The following SPAG16 variants were observed in gnomAD, a reference collection of about 807,000 sequenced individuals.
The protein encoded by SPAG16 is sperm-associated antigen 16 protein.
Under a neutral mutation model 80.4 loss-of-function variants are expected in SPAG16, and 86 were observed. The ratio of observed to expected loss-of-function variants is 1.07; its 90% CI spans 0.90 to 1.28. The LOEUF (loss-of-function observed/expected upper bound fraction) is 1.28, where lower values mean the gene tolerates loss of function less well. SPAG16 is among the 50% of genes most tolerant of loss of function. SPAG16 has a pLI of 0.00. For missense variants in SPAG16, 870 were observed against 765.3 expected (o/e 1.14, Z -1.61); for synonymous variants, 294 against 265.9 (o/e 1.11, Z -1.03).
At chr2:214,069,128 C>A (rs1345523297) in intron 13 of SPAG16, among the ~76,000 whole-genome samples, 1 of 152,122 alleles carries the variant, frequency 6.6e-6, no homozygotes, top group African/African-American at 2.4e-5. Context: ...TTATTTCCTA[C>A]ATAAGATAAA....
chr2:213,535,841 T>G (rs765894251), intron 10 of SPAG16, among the ~76,000 whole-genome samples: 20 of 152,156 alleles, frequency 1.3e-4, no homozygotes, highest in Non-Finnish European at 2.1e-4. Flanking sequence ...GACAGTAATC[T>G]ACTTGTATGT....
chr2:214,195,332 G>GATAGATAGATAGATAGATAGATAGATAT (rs1265821816), intron 15 of SPAG16, among the ~76,000 whole-genome samples: 2 of 151,882 alleles, frequency 1.3e-5, no homozygotes, highest in Non-Finnish European at 2.9e-5. Flanking sequence ...TAGATAGATA[G>GATAGATAGATAGATAGATAGATAGATAT]ATATTTGAGA....
rs1305910798 is a variant in SPAG16, at chr2:214,162,248, T to C, written c.1720+12982T>C. 2.0e-5 allele frequency among the ~76,000 whole-genome samples: 3 copies of C among 152,164 alleles called. 1 individual carries two copies. Among genetic ancestry groups the C allele is most frequent in the Admixed American group, 1.3e-4 (2 of 15,254 alleles). ...TTTGGTGGGACATGTCCTCATAGAATGAGCAGGTCAAATGAAAAACCAAAC... is the reference window on the plus strand; with the variant it reads ...TTTGGTGGGACATGTCCTCATAGAACGAGCAGGTCAAATGAAAAACCAAAC... On this transcript the variant is annotated intron_variant, in intron 15 of 15. Transcript: ENST00000331683.
chr2:213,384,881 A>G (rs899434413), intron 9 of SPAG16, among the ~76,000 whole-genome samples: 4 of 152,090 alleles, frequency 2.6e-5, no homozygotes, highest in African/African-American at 7.2e-5. Flanking sequence ...CTAGCGTTCT[A>G]TGGTTCAGGA....
At chr2:214,293,825 G>T (rs935790920) in intron 15 of SPAG16, among the ~76,000 whole-genome samples, 22 of 152,110 alleles carry the variant, frequency 1.4e-4, no homozygotes, top group African/African-American at 5.1e-4. Context: ...GGCCTTTGAA[G>T]ACTAAGCTTT....
intron 10 of SPAG16, among the ~76,000 whole-genome samples, chr2:213,553,629 C>T (rs1443546433): frequency 6.6e-6 from 1 of 152,174 alleles, no homozygotes; most frequent in Admixed American, 6.5e-5. Context: ...AGTATATGCA[C>T]TGACCCTGGA....
intron 12 of SPAG16, among the ~76,000 whole-genome samples, chr2:213,979,231 C>T (rs2045570521): frequency 6.6e-6 from 1 of 151,574 alleles, no homozygotes; most frequent in Non-Finnish European, 1.5e-5. Context: ...TCCAATTAGT[C>T]ATGTCTCTCT....
chr2:213,625,145 T>C lies in SPAG16; in HGVS notation c.1070+135055T>C, dbSNP rs1024352727. On this transcript the variant is annotated intron_variant, in intron 10 of 15. Coordinates refer to ENST00000331683, the MANE Select transcript of SPAG16 (RefSeq NM_024532.5). The stretch of plus-strand genomic sequence containing the variant: ...TAATACTATAAAAGTACTTACTTCA[T>C]GTATTAGTCCGTTCTCACAAAGCTA... Among the ~76,000 whole-genome samples the C allele has an allele frequency of 2.0e-5, 3 of 152,278 alleles. No individual in the cohort carries two copies. The East Asian group carries it at 5.8e-4, about 29-fold the overall frequency.
chr2:214,041,978 GTATATATATATATA>G (rs1158447338), intron 13 of SPAG16, among the ~76,000 whole-genome samples: 9 of 116,360 alleles, frequency 7.7e-5, no homozygotes, highest in African/African-American at 2.6e-4. Flanking sequence ...GTCTGTGTGT[GTATATATATATATA>G]TATATATATA....
At chr2:213,514,391 T>G (rs1404833455) in intron 10 of SPAG16, among the ~76,000 whole-genome samples, 1 of 152,144 alleles carries the variant, frequency 6.6e-6, no homozygotes, top group Non-Finnish European at 1.5e-5. Flanking sequence ...AATATTATCA[T>G]AATTAGAGTT....
At chr2:214,166,508 G>C (rs1405794386) in intron 15 of SPAG16, among the ~76,000 whole-genome samples, 1 of 152,136 alleles carries the variant, frequency 6.6e-6, no homozygotes, top group Non-Finnish European at 1.5e-5. Flanking sequence ...TTCTCAGCCA[G>C]GCTCCTGTTA....
intron 12 of SPAG16, 107 bp from the exon 13 acceptor site, chr2:214,013,844 C>T: frequency 1.7e-6 from 2 of 1,145,408 alleles, no homozygotes; most frequent in South Asian, 2.1e-5. Context: ...AAAATTTTTG[C>T]CATTAATAAA....
chr2:213,599,362 A>G (rs2060985548), intron 10 of SPAG16, among the ~76,000 whole-genome samples: 1 of 152,178 alleles, frequency 6.6e-6, no homozygotes, highest in African/African-American at 2.4e-5. Flanking sequence ...AAAACATGGC[A>G]TTAAACTGCG....
chr2:213,321,349 A>G (rs1328621011), intron 5 of SPAG16, among the ~76,000 whole-genome samples: 1 of 152,016 alleles, frequency 6.6e-6, no homozygotes, highest in Non-Finnish European at 1.5e-5. Context: ...TTATTAACTC[A>G]GTTTATTGAA....
chr2:213,493,809 T>A (rs1292412038), intron 10 of SPAG16, among the ~76,000 whole-genome samples: 1 of 152,108 alleles, frequency 6.6e-6, no homozygotes, highest in African/African-American at 2.4e-5. Flanking sequence ...TTTTTTTTTC[T>A]TATCCGGAGA....
intron 11 of SPAG16, among the ~76,000 whole-genome samples, chr2:213,886,749 A>T (rs1019482306): frequency 2.6e-5 from 4 of 152,134 alleles, no homozygotes; most frequent in African/African-American, 9.7e-5. Flanking sequence ...TGAAAAAAAA[A>T]ACTTGGAAAT....
chr2:213,928,129 A>T (rs2078573476), intron 11 of SPAG16, among the ~76,000 whole-genome samples: 1 of 152,074 alleles, frequency 6.6e-6, no homozygotes, highest in Admixed American at 6.5e-5. Flanking sequence ...GCAGTCCCCC[A>T]GGCTGGAGTG....
intron 5 of SPAG16, among the ~76,000 whole-genome samples, chr2:213,318,428 C>A (rs2063488169): frequency 6.6e-6 from 1 of 151,876 alleles, no homozygotes; most frequent in Non-Finnish European, 1.5e-5. Context: ...CATATTCTCA[C>A]TTATAAGTAG....
chr2:214,255,048 A>T (rs542263611), intron 15 of SPAG16, among the ~76,000 whole-genome samples: 1 of 152,246 alleles, frequency 6.6e-6, no homozygotes, highest in Admixed American at 6.6e-5. Flanking sequence ...GCATTTTAAT[A>T]TGCATAGTAA....
Sources: gnomAD v4.1 joint callset for allele counts (sites outside exome capture counted in the v4.1 genomes callset) on GRCh38, gnomAD v4.1.1 for gene constraint, MANE v1.5 for transcripts, NCBI Gene and HGNC (gene_info 2026-07-23, HGNC 2026-07-21) for gene names.